The following TMC1 variants were observed in gnomAD, a reference collection of about 807,000 sequenced individuals.
TMC1 encodes transmembrane channel like 1.
Under a neutral mutation model 105.8 loss-of-function variants are expected in TMC1, and 84 were observed. The ratio of observed to expected loss-of-function variants is 0.79; its 90% CI spans 0.67 to 0.95. The LOEUF (loss-of-function observed/expected upper bound fraction) is 0.95. Ranked by LOEUF, TMC1 falls within the 40% of genes least tolerant of loss-of-function variation. TMC1 has a pLI of 0.00. For missense variants in TMC1, 817 were observed against 914.1 expected, an observed-to-expected ratio of 0.89 and a Z score of 1.37; for synonymous variants, 315 against 311.5, an observed-to-expected ratio of 1.01 and a Z score of -0.12.
At chr9:72,580,273 T>C (rs1185163757) in intron 2 of TMC1, among the ~76,000 whole-genome samples, 1 of 152,238 alleles carries the variant, frequency 6.6e-6, no homozygotes. Context: ...GTCTTATCTC[T>C]TTCCTTGTTT....
At chr9:72,802,556 G>A (rs1828494605) in intron 17 of TMC1, among the ~76,000 whole-genome samples, 1 of 152,050 alleles carries the variant, frequency 6.6e-6, no homozygotes, top group African/African-American at 2.4e-5. Flanking sequence ...ACAACTACAT[G>A]GAAATTGAAC....
chr9:72,632,150 T>G (rs1379604160), intron 4 of TMC1, among the ~76,000 whole-genome samples: 3 of 151,626 alleles, frequency 2.0e-5, no homozygotes, highest in Non-Finnish European at 4.4e-5. Context: ...TGGAGGAAGG[T>G]GAAGGGGGAG....
At chr9:72,808,963 A>T (rs561434017) in intron 18 of TMC1, 15 of 152,414 alleles carry the variant, frequency 9.8e-5, no homozygotes, top group African/African-American at 3.1e-4. Flanking sequence ...CGGACTGGCC[A>T]AAAGCAGTTA....
At chr9:72,548,296 G>T (rs1480441355) in intron 1 of TMC1, among the ~76,000 whole-genome samples, 3 of 152,190 alleles carry the variant, frequency 2.0e-5, no homozygotes, top group African/African-American at 7.2e-5. Flanking sequence ...ATAGGGCTGG[G>T]CACAGTGGCT....
At chr9:72,664,162 G>A (rs1397935904) in intron 5 of TMC1, among the ~76,000 whole-genome samples, 2 of 152,186 alleles carry the variant, frequency 1.3e-5, no homozygotes, top group Non-Finnish European at 1.5e-5. Flanking sequence ...GTATTGTACA[G>A]TAAATAAATA....
chr9:72,770,043 T>G (rs1468897844), intron 12 of TMC1, among the ~76,000 whole-genome samples: 2 of 152,088 alleles, frequency 1.3e-5, no homozygotes, highest in Non-Finnish European at 2.9e-5. Flanking sequence ...CAAGAAGATG[T>G]CATGCACCTG....
intron 1 of TMC1, among the ~76,000 whole-genome samples, chr9:72,559,389 T>C (rs1023542549): frequency 4.6e-5 from 7 of 152,150 alleles, no homozygotes; most frequent in African/African-American, 1.7e-4. Context: ...CCACTGTGCC[T>C]GGCAAGAGAT....
At chr9:72,703,569 T>G (rs1357861828) in intron 8 of TMC1, among the ~76,000 whole-genome samples, 1 of 152,224 alleles carries the variant, frequency 6.6e-6, no homozygotes, top group East Asian at 1.9e-4. Context: ...CCTTTTTCAA[T>G]TTGCACCATT....
intron 13 of TMC1, among the ~76,000 whole-genome samples, chr9:72,778,644 C>A (rs1383113983): frequency 1.3e-5 from 2 of 152,184 alleles, no homozygotes; most frequent in African/African-American, 2.4e-5. Context: ...ACTCACCATG[C>A]CCCTGTAGGC....
intron 3 of TMC1, among the ~76,000 whole-genome samples, chr9:72,620,869 G>T (rs1222511017): frequency 3.9e-5 from 6 of 152,104 alleles, no homozygotes; most frequent in Non-Finnish European, 8.8e-5. Flanking sequence ...TCACCTAAAT[G>T]TCCCTGCAAA....
At chr9:72,557,356 G>C (rs1823959899) in intron 1 of TMC1, among the ~76,000 whole-genome samples, 1 of 151,990 alleles carries the variant, frequency 6.6e-6, no homozygotes, top group Non-Finnish European at 1.5e-5. Context: ...GGGTGACAGA[G>C]TGAGACTCTC....
intron 17 of TMC1, among the ~76,000 whole-genome samples, chr9:72,804,236 G>T (rs1828530018): frequency 1.3e-5 from 2 of 152,282 alleles, no homozygotes; most frequent in South Asian, 4.1e-4. Flanking sequence ...CTGGTCGGGG[G>T]TAAGGGAGAA....
At chr9:72,766,634 G>A (rs1827843442) in intron 12 of TMC1, among the ~76,000 whole-genome samples, 1 of 152,084 alleles carries the variant, frequency 6.6e-6, no homozygotes, top group African/African-American at 2.4e-5. Flanking sequence ...ACCAATGCAA[G>A]GATGGAGGGA....
At chr9:72,832,007 G>A (rs1165251349) in intron 23 of TMC1, among the ~76,000 whole-genome samples, 1 of 151,832 alleles carries the variant, frequency 6.6e-6, no homozygotes, top group East Asian at 1.9e-4. Context: ...CCAGGCTGGA[G>A]GGCAGTGGTA....
intron 8 of TMC1, among the ~76,000 whole-genome samples, chr9:72,716,703 T>C (rs1826926404): frequency 6.6e-6 from 1 of 152,126 alleles, no homozygotes; most frequent in Non-Finnish European, 1.5e-5. Flanking sequence ...CTGGGCTCCG[T>C]GGGAGTGGGA....
At chr9:72,747,186 A>C (rs1377602816) in intron 10 of TMC1, among the ~76,000 whole-genome samples, 3 of 152,218 alleles carry the variant, frequency 2.0e-5, no homozygotes, top group Non-Finnish European at 4.4e-5. Flanking sequence ...CACAGGGCTT[A>C]AACCTTATGT....
chr9:72,627,849 C>T (rs1564454493), intron 3 of TMC1, 72 bp from the exon 4 acceptor site: 2 of 351,364 alleles, frequency 5.7e-6, no homozygotes, highest in Non-Finnish European at 5.6e-6. Context: ...ATTCTTTACT[C>T]AGATATGAAA....
intron 21 of TMC1, among the ~76,000 whole-genome samples, chr9:72,827,485 G>A (rs1052451460): frequency 3.9e-5 from 6 of 152,214 alleles, no homozygotes; most frequent in Non-Finnish European, 8.8e-5. Flanking sequence ...CTTGTTGTTA[G>A]AGGGCCGCCA....
chr9:72,561,102 A>T (rs72731118), intron 1 of TMC1, among the ~76,000 whole-genome samples: 2 of 151,600 alleles, frequency 1.3e-5, no homozygotes, highest in African/African-American at 2.4e-5. Context: ...TCATGAGGTC[A>T]GGAGATCAGG....
Sources: allele counts gnomAD v4.1 joint callset (sites outside exome capture counted in the v4.1 genomes callset), GRCh38; gene constraint gnomAD v4.1.1; transcripts MANE v1.5; gene names NCBI Gene and HGNC (gene_info 2026-07-23, HGNC 2026-07-21).